ARHGAP28: variants seen among roughly 807,000 people sequenced by gnomAD.
ARHGAP28 encodes the protein rho GTPase-activating protein 28.
A neutral mutation model predicts 90.7 loss-of-function variants in ARHGAP28; 56 were observed. That is an observed-to-expected ratio of 0.62 (90% CI 0.50 to 0.77). The LOEUF (loss-of-function observed/expected upper bound fraction) is 0.77, where lower values mean the gene tolerates loss of function less well. ARHGAP28 is among the 30% of genes least tolerant of loss of function. The pLI is 0.00. For synonymous variants in ARHGAP28, 308 were observed against 323.3 expected, an observed-to-expected ratio of 0.95 and a Z score of 0.51; for missense variants, 869 against 900.9, an observed-to-expected ratio of 0.96 and a Z score of 0.45.
rs369424186 is a variant in ARHGAP28 at position 6,803,513 on chromosome 18, T to C, written c.123-21249T>C. On this transcript the variant is annotated intron_variant, in intron 1 of 17. Transcript: ENST00000383472. ...TTTGTTAATAATACTTGTGTCTGTGTATATAGGGGACATTAGCTGATGGCT... is the reference window on the plus strand; with the variant it reads ...TTTGTTAATAATACTTGTGTCTGTGCATATAGGGGACATTAGCTGATGGCT... Among the ~76,000 whole-genome samples the C allele has an allele frequency of 3.4e-4, 51 of 152,224 alleles. No individual in the cohort carries two copies. The East Asian group carries it at 9.3e-3, about 28-fold the overall frequency.
intron 1 of ARHGAP28, among the ~76,000 whole-genome samples, chr18:6,734,118 G>T (rs1001064208): frequency 6.6e-6 from 1 of 152,172 alleles, no homozygotes; most frequent in Non-Finnish European, 1.5e-5. Context: ...GGAAGAAAGA[G>T]AATAAACTAA....
At chr18:6,910,636 G>A (rs1181532266) in intron 17 of ARHGAP28, among the ~76,000 whole-genome samples, 1 of 151,874 alleles carries the variant, frequency 6.6e-6, no homozygotes. Flanking sequence ...TGCCTTCCAT[G>A]CTTGGTCTTT....
At chr18:6,809,991 C>A (rs1471398379) in intron 1 of ARHGAP28, among the ~76,000 whole-genome samples, 1 of 152,138 alleles carries the variant, frequency 6.6e-6, no homozygotes, top group Non-Finnish European at 1.5e-5. Context: ...TTAGTCTTCT[C>A]TTTGCATGTG....
At chr18:6,759,892 G>C (rs949777832) in intron 1 of ARHGAP28, among the ~76,000 whole-genome samples, 1 of 152,082 alleles carries the variant, frequency 6.6e-6, no homozygotes, top group Non-Finnish European at 1.5e-5. Flanking sequence ...CATTTAGATA[G>C]GTATCAGAAC....
intron 1 of ARHGAP28, among the ~76,000 whole-genome samples, chr18:6,815,032 C>A (rs1378155974): frequency 6.6e-6 from 1 of 152,202 alleles, no homozygotes; most frequent in Non-Finnish European, 1.5e-5. Context: ...TGGCACCAAA[C>A]TAGTTCTCTA....
At chr18:6,800,568 A>G (rs1009913030) in intron 1 of ARHGAP28, among the ~76,000 whole-genome samples, 1 of 152,348 alleles carries the variant, frequency 6.6e-6, no homozygotes, top group East Asian at 1.9e-4. Context: ...AGGGACATGG[A>G]TGAAGCTGGA....
At chr18:6,781,614 G>A (rs1243953260) in intron 1 of ARHGAP28, among the ~76,000 whole-genome samples, 1 of 152,096 alleles carries the variant, frequency 6.6e-6, no homozygotes, top group Admixed American at 6.5e-5. Flanking sequence ...ACAAAAGAAG[G>A]GAAGCAGGAA....
intron 1 of ARHGAP28, among the ~76,000 whole-genome samples, chr18:6,777,702 G>T (rs768232220): frequency 6.6e-6 from 1 of 152,132 alleles, no homozygotes; most frequent in Admixed American, 6.6e-5. Context: ...TCCAGCCTGG[G>T]CAACAGAGCA....
chr18:6,800,707 CAG>C (rs1197994938), intron 1 of ARHGAP28, among the ~76,000 whole-genome samples: 1 of 152,002 alleles, frequency 6.6e-6, no homozygotes, highest in Non-Finnish European at 1.5e-5. Flanking sequence ...TGGGACCTGT[CAG>C]GGGATGGGGG....
At chr18:6,787,358 T>C (rs1019416700) in intron 1 of ARHGAP28, among the ~76,000 whole-genome samples, 7 of 152,054 alleles carry the variant, frequency 4.6e-5, no homozygotes, top group Non-Finnish European at 2.9e-5. Flanking sequence ...TATTATTTAC[T>C]TTTCCTTTAT....
chr18:6,909,071 T>A, intron 17 of ARHGAP28, 47 bp downstream of exon 17: 1 of 1,044,318 alleles, frequency 9.6e-7, no homozygotes, highest in Non-Finnish European at 1.5e-6. Flanking sequence ...CTGATTACTC[T>A]AAAAGAAATA....
chr18:6,856,400 AT>A (rs1178599250), intron 4 of ARHGAP28, among the ~76,000 whole-genome samples: 1 of 152,162 alleles, frequency 6.6e-6, no homozygotes, highest in African/African-American at 2.4e-5. Context: ...TAAGAATTAC[AT>A]TTTTTTAGGG....
At chr18:6,833,124 G>A (rs2056727936) in intron 2 of ARHGAP28, among the ~76,000 whole-genome samples, 1 of 151,910 alleles carries the variant, frequency 6.6e-6, no homozygotes. Context: ...CAAACATATA[G>A]GGAAGTCACA....
At chr18:6,838,260 T>C (rs1481007075) in intron 3 of ARHGAP28, among the ~76,000 whole-genome samples, 2 of 152,208 alleles carry the variant, frequency 1.3e-5, no homozygotes, top group African/African-American at 4.8e-5. Flanking sequence ...ATAAGTTACC[T>C]GGGCAAGCTA....
intron 3 of ARHGAP28, among the ~76,000 whole-genome samples, chr18:6,840,173 C>T (rs186540760): frequency 7.9e-5 from 12 of 152,258 alleles, no homozygotes; most frequent in Middle Eastern, 3.4e-3. Context: ...AGGGCCTGAG[C>T]CTGGGAATTC....
chr18:6,835,705 C>T (rs1035758986), intron 2 of ARHGAP28, among the ~76,000 whole-genome samples: 1 of 151,980 alleles, frequency 6.6e-6, no homozygotes, highest in Admixed American at 6.6e-5. Flanking sequence ...TTCTGATTTC[C>T]TTATATTTCT....
Position 6,824,963 on chromosome 18 carries a change from T to C in ARHGAP28, c.324T>C (p.Asp108=). Residue 108 remains aspartate, a splice_region_variant and synonymous_variant, in exon 2 of 18, where the codon GAT becomes GAC. Transcript: ENST00000383472. The part of the protein sequence containing the change: ...EPPPAEVTPV[D]EGELEAEWLQ... ...CGCCAGCTGAGGTCACACCTGTGGA[T>C]GGTAAGTTGCTGGATTTGTCTTCCT... 6.5e-7 allele frequency: 1 copy of C among 1,529,674 alleles called. No homozygotes were observed. The highest frequency in any genetic ancestry group is 2.0e-5 in the Admixed American group (1 of 50,066). 94.8% of individuals were successfully genotyped at this position (1,529,674 alleles called of 1,614,324 possible). A position where few individuals can be genotyped will look rare whatever the true frequency, so the allele number is the denominator to read the frequency against.
Position 6,735,555 on chromosome 18 carries a change from G to GT in ARHGAP28, c.122+5629dup, listed in dbSNP as rs35656127. On this transcript the variant is annotated intron_variant, in intron 1 of 17. Coordinates refer to ENST00000383472, the MANE Select transcript of ARHGAP28 (RefSeq NM_001366230.1). ...CTCATGATTAAATTAAGGTTATGCTGTTTTTTTTTTTTTTTTTGAGCCAAG... is the reference window on the plus strand; with the variant it reads ...CTCATGATTAAATTAAGGTTATGCTGTTTTTTTTTTTTTTTTTTGAGCCAAG... Among the ~76,000 whole-genome samples the GT allele has an allele frequency of 9.4e-3, 1,276 of 135,804 alleles. 3 individuals carry two copies. Among genetic ancestry groups the GT allele is most frequent in the Non-Finnish European group, 0.012 (745 of 62,634 alleles). The allele number at this position is 135,804 out of a possible 152,430, so 89.1% of individuals were successfully genotyped here.
chr18:6,798,511 TA>T (rs1204075162), intron 1 of ARHGAP28, among the ~76,000 whole-genome samples: 1 of 152,182 alleles, frequency 6.6e-6, no homozygotes, highest in African/African-American at 2.4e-5. Flanking sequence ...TTATTAAACC[TA>T]TACAATGACT....
Sources: allele counts gnomAD v4.1 joint callset (sites outside exome capture counted in the v4.1 genomes callset), GRCh38; gene constraint gnomAD v4.1.1; transcripts MANE v1.5; gene names NCBI Gene and HGNC (gene_info 2026-07-23, HGNC 2026-07-21).